NRXN3: variants seen among roughly 807,000 people sequenced by gnomAD.
NRXN3 encodes the protein neurexin 3, also known as neurexin III.
Under a neutral mutation model 137.6 loss-of-function variants are expected in NRXN3, and 32 were observed. That is an observed-to-expected ratio of 0.23 (90% CI 0.18 to 0.31). The LOEUF (loss-of-function observed/expected upper bound fraction) is 0.31. Ranked by LOEUF, NRXN3 falls within the 10% of genes least tolerant of loss-of-function variation. NRXN3 has a pLI of 1.00. For missense variants in NRXN3, 1,574 were observed against 2,062.5 expected, an observed-to-expected ratio of 0.76 and a Z score of 4.59; for synonymous variants, 798 against 784.5, an observed-to-expected ratio of 1.02 and a Z score of -0.29.
At chr14:78,297,992 T>C in intron 4 of NRXN3, 132 bp downstream of exon 4, 1 of 1,033,320 alleles carries the variant, frequency 9.7e-7, no homozygotes, top group Non-Finnish European at 1.4e-6. Flanking sequence ...CCAGGCTGGC[T>C]GCAGGACCAC....
At chr14:78,918,279 C>T (rs1192685089) in intron 10 of NRXN3, among the ~76,000 whole-genome samples, 3 of 95,800 alleles carry the variant, frequency 3.1e-5, no homozygotes, top group African/African-American at 5.2e-5. Flanking sequence ...GAGCGAAACT[C>T]CATCTCAAAA....
At chr14:79,164,325 C>G (rs536068036) in intron 15 of NRXN3, among the ~76,000 whole-genome samples, 37 of 152,008 alleles carry the variant, frequency 2.4e-4, no homozygotes, top group Non-Finnish European at 4.9e-4. Context: ...AGCTCTCAAG[C>G]AAAACATGGT....
intron 10 of NRXN3, among the ~76,000 whole-genome samples, chr14:78,816,542 A>G (rs1276823006): frequency 2.0e-5 from 3 of 152,140 alleles, no homozygotes; most frequent in African/African-American, 7.2e-5. Flanking sequence ...GGGGGGTGCT[A>G]TATTTTATTA....
intron 10 of NRXN3, among the ~76,000 whole-genome samples, chr14:78,814,759 T>C (rs1266819394): frequency 1.3e-5 from 2 of 152,150 alleles, no homozygotes; most frequent in African/African-American, 4.8e-5. Context: ...GGTATGAACT[T>C]CTCGTTGGTG....
At chr14:79,103,763 G>A (rs1229770886) in intron 15 of NRXN3, among the ~76,000 whole-genome samples, 1 of 152,146 alleles carries the variant, frequency 6.6e-6, no homozygotes, top group East Asian at 1.9e-4. Context: ...GCCTCATTTT[G>A]AGGTATATTC....
At chr14:78,443,927 G>GT (rs901437221) in intron 4 of NRXN3, among the ~76,000 whole-genome samples, 4 of 152,164 alleles carry the variant, frequency 2.6e-5, no homozygotes, top group South Asian at 2.1e-4. Flanking sequence ...AAGTAATTGT[G>GT]TTTTTTTGTC....
At chr14:78,235,322 G>A (rs1018731388) in intron 1 of NRXN3, among the ~76,000 whole-genome samples, 11 of 151,840 alleles carry the variant, frequency 7.2e-5, no homozygotes, top group Non-Finnish European at 5.9e-5. Flanking sequence ...CTTCACTGGG[G>A]CTCTTGATAA....
At position 78,714,776 on chromosome 14, in the gene NRXN3, A is replaced by G. The variant is rs2098424162; in HGVS notation, c.1681A>G (p.Arg561Gly). 4.3e-6 allele frequency: 7 copies of G among 1,613,970 alleles called. No homozygotes were observed. The highest frequency in any genetic ancestry group is 5.1e-6 in the Non-Finnish European group (6 of 1,179,886). ...GRSGTISVNSRRTPFTASGES... is the reference protein window; with the variant it reads ...GRSGTISVNSGRTPFTASGES... ...CCCAGGTACTATATCAGTGAACAGC[A>G]GGCGCACGCCATTCACCGCCAGTGG... Residue 561 changes from arginine to glycine, a missense_variant, in exon 8 of 21, where the codon AGG (arginine) becomes GGG (glycine). Arg to Gly is a moderately radical substitution (Grantham distance 125). Around this residue, in one of 5 missense-constraint regions of NRXN3, gnomAD observed 718 missense variants for 887.6 expected, o/e 0.81. Transcript: ENST00000335750.
intron 14 of NRXN3, among the ~76,000 whole-genome samples, chr14:78,983,147 A>G (rs1317850647): frequency 3.3e-5 from 5 of 152,200 alleles, no homozygotes; most frequent in Non-Finnish European, 7.3e-5. Flanking sequence ...AACAACAACA[A>G]GTATTGGCAA....
intron 10 of NRXN3, among the ~76,000 whole-genome samples, chr14:78,815,479 C>CTTTTTTTTTTTTTTTTTTT (rs61411777): frequency 5.9e-5 from 5 of 84,436 alleles, no homozygotes; most frequent in African/African-American, 1.2e-4. Flanking sequence ...TTGTTTCTTT[C>CTTTTTTTTTTTTTTTTTTT]TTTTTTTTTT....
At position 78,393,057 on chromosome 14, in the gene NRXN3, T is replaced by G. The variant is rs543159939; in HGVS notation, c.757+95197T>G. 1.9e-3 allele frequency among the ~76,000 whole-genome samples: 286 copies of G among 152,246 alleles called. 1 individual carries two copies. The highest frequency in any genetic ancestry group is 6.6e-3 in the African/African-American group (274 of 41,550). ...AAGTTCTGATTCTCTGAGCTCTAGA[T>G]TTTTCACTAATCTACCAGAAAAGAG... On this transcript the variant is annotated intron_variant, in intron 4 of 20. Transcript: ENST00000335750.
At chr14:79,853,569 G>A (rs1169252714) in intron 20 of NRXN3, 2 of 1,351,272 alleles carry the variant, frequency 1.5e-6, no homozygotes, top group Non-Finnish European at 2.0e-6. Flanking sequence ...AGATCACTCC[G>A]TGCCGCCCTT....
At chr14:79,115,718 C>T (rs914621732) in intron 15 of NRXN3, among the ~76,000 whole-genome samples, 1 of 152,094 alleles carries the variant, frequency 6.6e-6, no homozygotes, top group Non-Finnish European at 1.5e-5. Context: ...CTTTATGCTT[C>T]GAGAAAGAAA....
At chr14:79,099,344 C>A (rs1013356340) in intron 15 of NRXN3, among the ~76,000 whole-genome samples, 2 of 151,944 alleles carry the variant, frequency 1.3e-5, no homozygotes, top group African/African-American at 4.8e-5. Flanking sequence ...ATATGGGATT[C>A]CTGAGGGAAA....
chr14:78,977,422 AT>A (rs2099471700), intron 14 of NRXN3, among the ~76,000 whole-genome samples: 1 of 152,144 alleles, frequency 6.6e-6, no homozygotes, highest in East Asian at 1.9e-4. Context: ...TTTAAAGTAT[AT>A]TCCACTGCCC....
intron 4 of NRXN3, among the ~76,000 whole-genome samples, chr14:78,539,341 G>C (rs1338226044): frequency 1.3e-5 from 2 of 152,242 alleles, no homozygotes; most frequent in African/African-American, 4.8e-5. Flanking sequence ...GTTTAGTCTT[G>C]GGAGGGTATA....
At chr14:78,490,353 C>A (rs889321153) in intron 4 of NRXN3, among the ~76,000 whole-genome samples, 10 of 152,272 alleles carry the variant, frequency 6.6e-5, no homozygotes, top group Non-Finnish European at 1.2e-4. Flanking sequence ...TGGGCATACT[C>A]CTTACCTTAC....
intron 15 of NRXN3, among the ~76,000 whole-genome samples, chr14:79,009,536 G>A (rs1594867744): frequency 2.0e-5 from 3 of 152,174 alleles, no homozygotes; most frequent in East Asian, 3.9e-4. Context: ...TCTATAGGGA[G>A]GTGCTGTGGG....
chr14:79,106,410 A>G (rs1313256562), intron 15 of NRXN3, among the ~76,000 whole-genome samples: 1 of 152,084 alleles, frequency 6.6e-6, no homozygotes, highest in Non-Finnish European at 1.5e-5. Context: ...CCAAGCCCAG[A>G]TTCTTCAAAT....
Sources: allele counts gnomAD v4.1 joint callset (sites outside exome capture counted in the v4.1 genomes callset), GRCh38; gene constraint gnomAD v4.1.1; regional missense constraint gnomAD v4.1.1; transcripts MANE v1.5; gene names NCBI Gene and HGNC (gene_info 2026-07-23, HGNC 2026-07-21).